ABLIM2: variants seen among roughly 807,000 people sequenced by gnomAD.
ABLIM2 encodes actin-binding LIM protein 2.
A neutral mutation model predicts 97.7 loss-of-function variants in ABLIM2; 53 were observed. The observed-to-expected ratio is 0.54, with a 90% CI of 0.44 to 0.68. ABLIM2 has a LOEUF of 0.68. Ranked by LOEUF, ABLIM2 falls within the 30% of genes least tolerant of loss-of-function variation. The pLI is 0.00. For synonymous variants in ABLIM2, 361 were observed against 345.8 expected (o/e 1.04, Z -0.49); for missense variants, 835 against 867.2 (o/e 0.96, Z 0.47).
At chr4:8,084,603 T>C (rs1005701608) in intron 4 of ABLIM2, among the ~76,000 whole-genome samples, 2 of 140,004 alleles carry the variant, frequency 1.4e-5, no homozygotes, top group Non-Finnish European at 3.1e-5. Context: ...CATCCCTTCC[T>C]GCCTCTTCAT....
chr4:7,965,574 A>G lies in ABLIM2; in HGVS notation c.*1416T>C, dbSNP rs1401564104. On this transcript the variant is annotated 3_prime_UTR_variant, in exon 21 of 21. Coordinates refer to ENST00000447017, the MANE Select transcript of ABLIM2 (RefSeq NM_001130083.2). ...GACTCACAGGCAGGAACATCGGGAC[A>G]CACACAAAGAGGCAACACCCACTGC... 2 of 152,412 alleles carry G rather than the reference A, an allele frequency of 1.3e-5. No homozygotes were observed. The highest frequency in any genetic ancestry group is 4.8e-5 in the African/African-American group (2 of 41,456). 9.4% of individuals were successfully genotyped at this position (152,412 alleles called of 1,614,324 possible).
At position 8,106,589 on chromosome 4, in the gene ABLIM2, G is replaced by A. The variant is rs752430305; in HGVS notation, c.59C>T (p.Thr20Met). The A allele has an allele frequency of 1.5e-4, 248 of 1,611,826 alleles. No individual in the cohort carries two copies. The highest frequency in any genetic ancestry group is 1.2e-3 in the Middle Eastern group (7 of 6,056). Residue 20 changes from threonine (T) to methionine (M), a missense_variant, in exon 2 of 21, where the codon ACG (threonine) becomes ATG (methionine). Thr to Met is a moderately conservative substitution (Grantham distance 81). Transcript: ENST00000447017. ...CCCACACGTGTTGCACAGGATCGCC[G>A]TGCTGGGCGACTTCTCCAGCGGGCT... The part of the protein sequence containing the change: ...APSPLEKSPS[T>M]AILCNTCGNV...
chr4:8,107,499 A>G (rs1838053132), intron 1 of ABLIM2, among the ~76,000 whole-genome samples: 1 of 152,230 alleles, frequency 6.6e-6, no homozygotes. Flanking sequence ...ATGGAGGTGC[A>G]GGATCTGGAT....
At chr4:8,117,382 C>T (rs991172995) in intron 1 of ABLIM2, among the ~76,000 whole-genome samples, 7 of 152,162 alleles carry the variant, frequency 4.6e-5, no homozygotes, top group Non-Finnish European at 1.0e-4. Context: ...AGACTCCACC[C>T]ACCACAGACT....
In ABLIM2 at chr4:7,999,489, C is replaced by G. The variant is rs565997725; in HGVS notation, c.1619-6562G>C. 2.6e-5 allele frequency among the ~76,000 whole-genome samples: 4 copies of G among 152,336 alleles called. No individual in the cohort carries two copies. The highest frequency in any genetic ancestry group is 9.6e-5 in the African/African-American group (4 of 41,576). On this transcript the variant is annotated intron_variant, in intron 16 of 20. Transcript: ENST00000447017. The surrounding 1 kb of genome is among the most constrained non-coding windows in gnomAD (Gnocchi z 4.4). ...ACCTAATGATATCAAGCGATCTGTT[C>G]AAGGTCAAACAGTTACTAACTAGAG...
rs570775002 is a variant in ABLIM2, at chr4:8,043,410, T to C, written c.900+1754A>G. 6.6e-6 allele frequency among the ~76,000 whole-genome samples: 1 copy of C among 152,188 alleles called. No homozygotes were observed. Among genetic ancestry groups the C allele is most frequent in the South Asian group, 2.1e-4 (1 of 4,830 alleles). On this transcript the variant is annotated intron_variant, in intron 9 of 20. Coordinates refer to ENST00000447017, the MANE Select transcript of ABLIM2 (RefSeq NM_001130083.2). This position sits in a 1 kb window ranked among gnomAD's most constrained non-coding sequence, Gnocchi z 4.8. ...ATTCATGAGGATGATGATGGTATTA[T>C]GGACTGAACTGTGTCTCCCCGAATT...
intron 1 of ABLIM2, among the ~76,000 whole-genome samples, chr4:8,115,735 C>G (rs1842506522): frequency 1.3e-5 from 2 of 152,324 alleles, no homozygotes; most frequent in South Asian, 4.1e-4. Context: ...TCTCCTATTA[C>G]CTGATGGGGT....
intron 17 of ABLIM2, among the ~76,000 whole-genome samples, chr4:7,988,484 G>C (rs1052698014): frequency 1.3e-5 from 2 of 152,308 alleles, no homozygotes; most frequent in African/African-American, 4.8e-5. Flanking sequence ...GTAAATATTT[G>C]AGCCCATGTG....
chr4:8,038,125 A>G (rs1785739335), intron 9 of ABLIM2, among the ~76,000 whole-genome samples: 1 of 152,212 alleles, frequency 6.6e-6, no homozygotes, highest in Admixed American at 6.5e-5. Context: ...ACCCCGAGAC[A>G]TGCACTGGGC....
In ABLIM2 at chr4:8,075,764, G is replaced by A. The variant is rs966136721; in HGVS notation, c.675+1864C>T. On this transcript the variant is annotated intron_variant, in intron 6 of 20. Coordinates refer to ENST00000447017, the MANE Select transcript of ABLIM2 (RefSeq NM_001130083.2). The surrounding 1 kb of genome is among the most constrained non-coding windows in gnomAD (Gnocchi z 4.4). ...AAATTGTGAACTCTATCTCAATGAA[G>A]CTATTTAAAAAGACCCCACAATACC... Among the ~76,000 whole-genome samples, 1 of 152,172 alleles carries A rather than the reference G, an allele frequency of 6.6e-6. No homozygotes were observed. The highest frequency in any genetic ancestry group is 1.5e-5 in the Non-Finnish European group (1 of 68,032).
rs377041013 is a variant in ABLIM2, at chr4:8,097,779, C to T, written c.155-497G>A. On this transcript the variant is annotated intron_variant, in intron 2 of 20. Coordinates refer to ENST00000447017, the MANE Select transcript of ABLIM2 (RefSeq NM_001130083.2). Reference sequence around the variant, plus strand: ...CCTTGTGGTCGGTGCCTCCAGCCCACCTCTAGGCTTCCCACCCCCTCCCCC... The same window carrying T: ...CCTTGTGGTCGGTGCCTCCAGCCCATCTCTAGGCTTCCCACCCCCTCCCCC... Among the ~76,000 whole-genome samples the T allele has an allele frequency of 2.7e-4, 41 of 152,260 alleles. No homozygotes were observed. In the South Asian group the frequency reaches 6.4e-3, roughly 24 times the overall value.
At chr4:7,973,372 A>G (rs1190615383) in intron 20 of ABLIM2, among the ~76,000 whole-genome samples, 1 of 150,894 alleles carries the variant, frequency 6.6e-6, no homozygotes, top group African/African-American at 2.5e-5. Flanking sequence ...GTGGTGGTAC[A>G]TGCCTGTAGT....
intron 1 of ABLIM2, among the ~76,000 whole-genome samples, chr4:8,131,858 C>A (rs1331783787): frequency 1.4e-5 from 2 of 144,266 alleles, no homozygotes; most frequent in African/African-American, 5.2e-5. Context: ...AGCACAGCAG[C>A]CCGCATCCCC....
chr4:7,983,422 C>G, intron 19 of ABLIM2, 78 bp from the exon 20 acceptor site: 2 of 1,578,102 alleles, frequency 1.3e-6, no homozygotes, highest in Non-Finnish European at 1.7e-6. Flanking sequence ...AGAAGGTCAC[C>G]GAGAATACAT....
At position 7,967,021 on chromosome 4, in the gene ABLIM2, T is replaced by G. The variant is rs768202517; in HGVS notation, c.1907A>C (p.Asn636Thr). 1 of 1,613,768 alleles carries G rather than the reference T, an allele frequency of 6.2e-7. No individual in the cohort carries two copies. The highest frequency in any genetic ancestry group is 8.5e-7 in the Non-Finnish European group (1 of 1,179,922). Reference sequence around the variant, plus strand: ...CAAAAGGGCTTTCTTCTTAAGGTCATTCCTCTTCCAGAGGGCCAGGCGGTC... The same window carrying G: ...CAAAAGGGCTTTCTTCTTAAGGTCAGTCCTCTTCCAGAGGGCCAGGCGGTC... Reference protein sequence around the residue: ...EFDRLALWKRNDLKKKALLF With the variant: ...EFDRLALWKRTDLKKKALLF Residue 636 changes from asparagine to threonine, a missense_variant, in exon 21 of 21, where the codon AAT becomes ACT. Asn to Thr is a moderately conservative substitution (Grantham distance 65, BLOSUM62 0). Transcript: ENST00000447017.
intron 1 of ABLIM2, among the ~76,000 whole-genome samples, chr4:8,110,349 C>A (rs189554227): frequency 9.7e-4 from 148 of 152,272 alleles, no homozygotes; most frequent in African/African-American, 3.5e-3. Context: ...CGGGGGACAG[C>A]GCGGGTGGTG....
At chr4:8,042,022 C>A (rs908826140) in intron 9 of ABLIM2, among the ~76,000 whole-genome samples, 3 of 152,230 alleles carry the variant, frequency 2.0e-5, no homozygotes, top group Admixed American at 2.0e-4. Flanking sequence ...GAGCGCTTAG[C>A]AGGCACCAAG....
intron 7 of ABLIM2, among the ~76,000 whole-genome samples, chr4:8,059,906 CAAAAA>C (rs201148410): frequency 0.032 from 3,994 of 124,038 alleles, 93 homozygotes; most frequent in Admixed American, 0.078. Flanking sequence ...GACTCTGTTT[CAAAAA>C]AAAAAAAAAA....
intron 17 of ABLIM2, 130 bp from the exon 18 acceptor site, chr4:7,985,023 G>T: frequency 1.1e-6 from 1 of 882,442 alleles, no homozygotes; most frequent in Non-Finnish European, 1.8e-6. Context: ...GGTGTCCTTA[G>T]CACAGCAGTG....
Sources: allele counts gnomAD v4.1 joint callset (sites outside exome capture counted in the v4.1 genomes callset), GRCh38; gene constraint gnomAD v4.1.1; non-coding constraint Gnocchi (gnomAD v3.1); transcripts MANE v1.5; gene names NCBI Gene and HGNC (gene_info 2026-07-23, HGNC 2026-07-21).